The following CASZ1 variants were observed in gnomAD, a reference collection of about 807,000 sequenced individuals.
CASZ1 encodes castor zinc finger 1.
Under a neutral mutation model 135.2 loss-of-function variants are expected in CASZ1, and 28 were observed. The ratio of observed to expected loss-of-function variants is 0.21; its 90% CI spans 0.15 to 0.28. The LOEUF is 0.28. Among genes scored for constraint, CASZ1 ranks in the 10% least tolerant of loss-of-function variants. The pLI, the probability that CASZ1 is intolerant of heterozygous loss-of-function variation, is 1.00. For missense variants in CASZ1, 2,161 were observed against 2,453.3 expected (o/e 0.88, Z 2.52); for synonymous variants, 1,068 against 1,073.4 (o/e 0.99, Z 0.10).
chr1:10,651,118 G>A (rs1642565691), intron 11 of CASZ1, 42 bp from the exon 12 acceptor site: 5 of 1,438,030 alleles, frequency 3.5e-6, no homozygotes, highest in Non-Finnish European at 3.6e-6. Context: ...GGGGCTGAAG[G>A]CCTGGCCCGG....
chr1:10,794,196 T>TGC lies in CASZ1; in HGVS notation c.-234+2367_-234+2368insGC, dbSNP rs1641018578. Among the ~76,000 whole-genome samples, 2 of 150,644 alleles carry TGC rather than the reference T, an allele frequency of 1.3e-5. No homozygotes were observed. Among genetic ancestry groups the TGC allele is most frequent in the Admixed American group, 1.3e-4 (2 of 15,204 alleles). ...GTATGCGTGTGTGTGTGTGTGTGTG[T>TGC]GTGCGCGCGCGCGCGCGTCGTGGGT... On this transcript the variant is annotated intron_variant, in intron 1 of 20. Transcript: ENST00000377022. This position sits in a 1 kb window ranked among gnomAD's most constrained non-coding sequence, Gnocchi z 5.6.
intron 11 of CASZ1, chr1:10,653,005 C>T (rs532260309): frequency 9.9e-5 from 29 of 292,512 alleles, no homozygotes; most frequent in Admixed American, 1.5e-4. Context: ...AGGAAACGCT[C>T]GGCACGCCAG....
At chr1:10,779,352 G>A (rs1238570749) in intron 1 of CASZ1, among the ~76,000 whole-genome samples, 1 of 145,916 alleles carries the variant, frequency 6.9e-6, no homozygotes, top group Non-Finnish European at 1.5e-5. Context: ...TTGTTGCACA[G>A]CACAACACGA....
chr1:10,641,210 G>A (rs1642190722), intron 20 of CASZ1, among the ~76,000 whole-genome samples: 1 of 152,216 alleles, frequency 6.6e-6, no homozygotes. Flanking sequence ...ACCCAGGCAG[G>A]GGGCAAGGGA....
At chr1:10,678,138 G>T (rs1288904744) in intron 4 of CASZ1, among the ~76,000 whole-genome samples, 2 of 152,218 alleles carry the variant, frequency 1.3e-5, no homozygotes, top group Non-Finnish European at 2.9e-5. Context: ...CCCAGCCCAG[G>T]AGAGGCGGCG....
chr1:10,645,218 A>G (rs1642330607), intron 17 of CASZ1, 130 bp from the exon 18 acceptor site: 7 of 793,128 alleles, frequency 8.8e-6, no homozygotes, highest in Non-Finnish European at 1.4e-5. Context: ...TGATCATAGA[A>G]ACACCTTTCA....
chr1:10,768,913 G>C (rs938808681), intron 1 of CASZ1, among the ~76,000 whole-genome samples: 2 of 152,202 alleles, frequency 1.3e-5, no homozygotes, highest in African/African-American at 4.8e-5. Context: ...GGCAGAGGCG[G>C]GCAGATCACT....
chr1:10,695,400 C>A (rs1162886278), intron 3 of CASZ1, among the ~76,000 whole-genome samples: 3 of 152,190 alleles, frequency 2.0e-5, no homozygotes, highest in Non-Finnish European at 4.4e-5. Flanking sequence ...CGCAGCCAGA[C>A]GAATGGAGAT....
At chr1:10,658,448 G>C (rs550288177) in intron 7 of CASZ1, 60 bp downstream of exon 7, 2 of 1,406,056 alleles carry the variant, frequency 1.4e-6, no homozygotes, top group Admixed American at 1.7e-5. Flanking sequence ...GCCTCAGAGT[G>C]CCCGGTCAGT....
At chr1:10,693,703 A>G (rs1161947061) in intron 4 of CASZ1, among the ~76,000 whole-genome samples, 171 bp downstream of exon 4, 2 of 151,860 alleles carry the variant, frequency 1.3e-5, no homozygotes, top group Non-Finnish European at 1.5e-5. Flanking sequence ...AACAACAACA[A>G]CAGCCTCAGA....
chr1:10,755,153 C>T lies in CASZ1; in HGVS notation c.-77+5548G>A, dbSNP rs1640226278. Among the ~76,000 whole-genome samples the T allele has an allele frequency of 6.6e-6, 1 of 152,170 alleles. No homozygotes were observed. The highest frequency in any genetic ancestry group is 2.4e-5 in the African/African-American group (1 of 41,440). ...TGGGAACGTGGCAGCATCCAGGGGT[C>T]CCGCGGAAGGTGGGCAGCAAGGGGA... On this transcript the variant is annotated intron_variant, in intron 2 of 20. Coordinates refer to ENST00000377022, the MANE Select transcript of CASZ1 (RefSeq NM_001079843.3). This position sits in a 1 kb window ranked among gnomAD's most constrained non-coding sequence, Gnocchi z 4.3.
intron 2 of CASZ1, among the ~76,000 whole-genome samples, chr1:10,733,722 G>T (rs981133142): frequency 3.9e-5 from 6 of 152,150 alleles, no homozygotes; most frequent in Non-Finnish European, 8.8e-5. Context: ...TGAGCTCAGA[G>T]GAACCAGTAC....
intron 2 of CASZ1, among the ~76,000 whole-genome samples, chr1:10,760,431 C>T (rs61443570): frequency 0.02 from 3,056 of 152,336 alleles, 107 homozygotes; most frequent in African/African-American, 0.07. Context: ...CTTCATTTCA[C>T]GGGTGGGGAA....
chr1:10,689,572 A>G (rs1210893526), intron 4 of CASZ1, among the ~76,000 whole-genome samples: 2 of 152,104 alleles, frequency 1.3e-5, no homozygotes, highest in Non-Finnish European at 2.9e-5. Context: ...AGCCTTTCGG[A>G]CCTGCCCTTC....
chr1:10,671,338 G>A (rs751768313), intron 4 of CASZ1, among the ~76,000 whole-genome samples: 1 of 152,220 alleles, frequency 6.6e-6, no homozygotes, highest in African/African-American at 2.4e-5. Flanking sequence ...GCGCACACAC[G>A]CTCGGATGCC....
chr1:10,649,620 T>C (rs1178993926), intron 13 of CASZ1, 183 bp from the exon 14 acceptor site: 2 of 666,990 alleles, frequency 3.0e-6, no homozygotes, highest in East Asian at 2.8e-5. Context: ...GAGAGCCTGC[T>C]GTGCTGCCCC....
At chr1:10,675,806 C>A (rs114991492) in intron 4 of CASZ1, among the ~76,000 whole-genome samples, 1 of 144,378 alleles carries the variant, frequency 6.9e-6, no homozygotes, top group African/African-American at 2.5e-5. Context: ...CCCCCCCACC[C>A]CCAACAAAGG....
intron 1 of CASZ1, among the ~76,000 whole-genome samples, chr1:10,769,459 A>C (rs906095355): frequency 2.6e-5 from 4 of 152,238 alleles, no homozygotes; most frequent in African/African-American, 9.6e-5. Context: ...AAAAAGTTAA[A>C]TGTCTATTAT....
intron 4 of CASZ1, among the ~76,000 whole-genome samples, chr1:10,671,048 C>T (rs1454493554): frequency 6.6e-6 from 1 of 152,254 alleles, no homozygotes; most frequent in Non-Finnish European, 1.5e-5. Flanking sequence ...GCATGCTTGG[C>T]CACTGGGCCC....
Sources: allele counts gnomAD v4.1 joint callset (sites outside exome capture counted in the v4.1 genomes callset), GRCh38; gene constraint gnomAD v4.1.1; non-coding constraint Gnocchi (gnomAD v3.1); transcripts MANE v1.5; gene names NCBI Gene and HGNC (gene_info 2026-07-23, HGNC 2026-07-21).